CGNL1: variants seen among roughly 807,000 people sequenced by gnomAD.
The protein encoded by CGNL1 is cingulin like 1, also known as cingulin-like protein 1.
In CGNL1, 132 loss-of-function variants were observed where a neutral mutation model predicts 141.2. The ratio of observed to expected loss-of-function variants is 0.93; its 90% CI spans 0.81 to 1.08. CGNL1 has a LOEUF of 1.08. CGNL1 is among the 50% of genes least tolerant of loss of function. CGNL1 has a pLI of 0.00. For missense variants in CGNL1, 1,870 were observed against 1,588.6 expected, an observed-to-expected ratio of 1.18 and a Z score of -3.01; for synonymous variants, 690 against 622.1, an observed-to-expected ratio of 1.11 and a Z score of -1.63.
intron 1 of CGNL1, among the ~76,000 whole-genome samples, chr15:57,419,928 T>C (rs888574031): frequency 1.3e-5 from 2 of 152,224 alleles, no homozygotes; most frequent in African/African-American, 4.8e-5. Flanking sequence ...GGGTGAGTTG[T>C]CTGCTCTTCC....
chr15:57,417,162 T>C (rs2062857728), intron 1 of CGNL1, among the ~76,000 whole-genome samples: 2 of 152,252 alleles, frequency 1.3e-5, no homozygotes. Context: ...TATTTATTAC[T>C]GCACTATTAC....
intron 1 of CGNL1, among the ~76,000 whole-genome samples, chr15:57,406,667 C>G (rs903098489): frequency 3.3e-5 from 5 of 152,074 alleles, no homozygotes; most frequent in Non-Finnish European, 7.4e-5. Context: ...CCCGTCTGGC[C>G]CAGAGGGTCC....
chr15:57,483,996 G>A (rs1346416640), intron 8 of CGNL1, among the ~76,000 whole-genome samples: 1 of 152,036 alleles, frequency 6.6e-6, no homozygotes, highest in African/African-American at 2.4e-5. Flanking sequence ...TTATTTGCTT[G>A]TATTTTGTTA....
chr15:57,503,929 G>C (rs1432552176), intron 8 of CGNL1, among the ~76,000 whole-genome samples: 1 of 152,156 alleles, frequency 6.6e-6, no homozygotes, highest in East Asian at 1.9e-4. Context: ...TTCAAATTGA[G>C]ATTTGGTGGG....
chr15:57,510,289 A>C (rs1217322353), intron 8 of CGNL1, among the ~76,000 whole-genome samples: 2 of 152,232 alleles, frequency 1.3e-5, no homozygotes. Context: ...GGGCAACTTC[A>C]TCCCCCTTCT....
intron 1 of CGNL1, among the ~76,000 whole-genome samples, chr15:57,429,812 C>A (rs538671270): frequency 1.3e-5 from 2 of 152,276 alleles, no homozygotes; most frequent in South Asian, 4.2e-4. Context: ...TTTCTCAGAT[C>A]CCTCTTATTT....
chr15:57,441,344 G>T (rs945690302), intron 3 of CGNL1, among the ~76,000 whole-genome samples: 8 of 151,984 alleles, frequency 5.3e-5, no homozygotes, highest in African/African-American at 1.9e-4. Context: ...TAAGGTAGAA[G>T]AAATCTTGAC....
chr15:57,405,390 C>G (rs546471694), intron 1 of CGNL1, among the ~76,000 whole-genome samples: 1 of 152,200 alleles, frequency 6.6e-6, no homozygotes, highest in Admixed American at 6.5e-5. Flanking sequence ...TCTGGGCTAC[C>G]CTTAGGTGCT....
intron 8 of CGNL1, among the ~76,000 whole-genome samples, chr15:57,515,929 C>T: frequency 6.6e-6 from 1 of 152,042 alleles, no homozygotes; most frequent in Non-Finnish European, 1.5e-5. Flanking sequence ...GAGGCCGAGG[C>T]AGACAGATGA....
intron 14 of CGNL1, among the ~76,000 whole-genome samples, chr15:57,542,961 C>T (rs1357251329): frequency 6.6e-6 from 1 of 152,200 alleles, no homozygotes; most frequent in Non-Finnish European, 1.5e-5. Context: ...GTCATAGGAT[C>T]CTACCTGTGG....
chr15:57,398,032 C>T (rs112322950), intron 1 of CGNL1, among the ~76,000 whole-genome samples: 2,472 of 152,272 alleles, frequency 0.016, 57 homozygotes, highest in African/African-American at 0.056. Context: ...GCGCCTGCCT[C>T]AGCTTCCCAA....
At chr15:57,404,634 C>G (rs1293544664) in intron 1 of CGNL1, among the ~76,000 whole-genome samples, 2 of 152,134 alleles carry the variant, frequency 1.3e-5, no homozygotes, top group East Asian at 3.8e-4. Flanking sequence ...TTATAAAAGG[C>G]CTAGGTTTGA....
At chr15:57,534,745 A>G (rs1332070943) in intron 14 of CGNL1, among the ~76,000 whole-genome samples, 1 of 152,254 alleles carries the variant, frequency 6.6e-6, no homozygotes, top group East Asian at 1.9e-4. Context: ...TAAAAACAGG[A>G]AAGGGTGCTT....
At position 57,530,777 on chromosome 15, in the gene CGNL1, G is replaced by A. The variant is rs1033958290; in HGVS notation, c.3202-913G>A. Among the ~76,000 whole-genome samples, 33 of 152,128 alleles carry A rather than the reference G, an allele frequency of 2.2e-4. 1 individual carries two copies. The highest frequency in any genetic ancestry group is 1.6e-3 in the Admixed American group (24 of 15,270). ...CAGTCACTCACTCACAAGAATCCTG[G>A]GTGTTTTATTGTGATAAATAGAATA... On this transcript the variant is annotated intron_variant, in intron 13 of 18. Transcript: ENST00000281282.
chr15:57,387,735 AT>A (rs1256052265), intron 1 of CGNL1, among the ~76,000 whole-genome samples: 1 of 152,232 alleles, frequency 6.6e-6, no homozygotes, highest in Admixed American at 6.5e-5. Flanking sequence ...GTTTTAAAGC[AT>A]TCTTGGGAAG....
At position 57,491,380 on chromosome 15, in the gene CGNL1, G is replaced by T. The variant is rs148752705; in HGVS notation, c.2404-25400G>T. Among the ~76,000 whole-genome samples, 10 of 152,268 alleles carry T rather than the reference G, an allele frequency of 6.6e-5. No homozygotes were observed. The East Asian group carries it at 1.9e-3, about 29-fold the overall frequency. On this transcript the variant is annotated intron_variant, in intron 8 of 18. Coordinates refer to ENST00000281282, the MANE Select transcript of CGNL1 (RefSeq NM_032866.5). ...CCTCAAGCAGCCTCCTTCCCACAGT[G>T]CCACTGCTTTCTCCGTGGCACCAGT... is the stretch of plus-strand genomic sequence containing the variant.
At chr15:57,414,653 T>A (rs552975543) in intron 1 of CGNL1, among the ~76,000 whole-genome samples, 122 of 50,642 alleles carry the variant, frequency 2.4e-3, no homozygotes, top group African/African-American at 6.7e-3. Context: ...CACACTTTTT[T>A]AAAACCAAAA....
At chr15:57,484,922 TG>T (rs201132506) in intron 8 of CGNL1, among the ~76,000 whole-genome samples, 2 of 151,086 alleles carry the variant, frequency 1.3e-5, no homozygotes, top group Non-Finnish European at 3.0e-5. Flanking sequence ...CTCGTTTCAT[TG>T]GGTTTTTTTT....
intron 8 of CGNL1, among the ~76,000 whole-genome samples, chr15:57,483,480 T>TTTG (rs2063751833): frequency 6.6e-6 from 1 of 151,368 alleles, no homozygotes; most frequent in African/African-American, 2.4e-5. Context: ...TTTTTTTTTT[T>TTTG]TTTTTGTGAC....
Sources: allele counts gnomAD v4.1 joint callset (sites outside exome capture counted in the v4.1 genomes callset), GRCh38; gene constraint gnomAD v4.1.1; transcripts MANE v1.5; gene names NCBI Gene and HGNC (gene_info 2026-07-23, HGNC 2026-07-21).